Variants in MAST4 observed in about 807,000 individuals in gnomAD.
The protein encoded by MAST4 is microtubule associated serine/threonine kinase family member 4.
In MAST4, 89 loss-of-function variants were observed where a neutral mutation model predicts 162.7. The observed-to-expected ratio is 0.55, with a 90% confidence interval of 0.46 to 0.65. MAST4 has a LOEUF of 0.65. Ranked by LOEUF, MAST4 falls within the 30% of genes least tolerant of loss-of-function variation. MAST4 has a pLI of 0.00. For missense variants in MAST4, 3,153 were observed against 3,374.0 expected, an observed-to-expected ratio of 0.93 and a Z score of 1.62; for synonymous variants, 1,479 against 1,361.1, an observed-to-expected ratio of 1.09 and a Z score of -1.91.
chr5:66,871,589 G>C (rs1029831999), intron 3 of MAST4, among the ~76,000 whole-genome samples: 1 of 152,198 alleles, frequency 6.6e-6, no homozygotes, highest in African/African-American at 2.4e-5. Flanking sequence ...CTGTGTAACA[G>C]ACTTTAATTG....
chr5:66,674,416 G>A (rs2149477011), intron 1 of MAST4, among the ~76,000 whole-genome samples: 1 of 152,300 alleles, frequency 6.6e-6, no homozygotes, highest in East Asian at 1.9e-4. Flanking sequence ...ACTACTTGGA[G>A]TTCTGGATCC....
In MAST4 at chr5:67,120,996, CT is replaced by C. The variant is rs759829346; in HGVS notation, c.1660-19del. The C allele has an allele frequency of 4.8e-5, 75 of 1,555,478 alleles. No individual in the cohort carries two copies. Among genetic ancestry groups the C allele is most frequent in the Non-Finnish European group, 6.4e-5 (73 of 1,138,316 alleles). On this transcript the variant is annotated intron_variant, in intron 13 of 28. Transcript: ENST00000403625. ...TTCTTAAATCTAAACTACTTTTTAA[CT>C]TCCATATTTTGTTTCCAAGAGCTCT...
intron 5 of MAST4, among the ~76,000 whole-genome samples, chr5:67,058,474 T>C (rs1759137034): frequency 6.6e-6 from 1 of 152,226 alleles, no homozygotes; most frequent in Non-Finnish European, 1.5e-5. Context: ...AAGTATAGCA[T>C]GGCTTTTGTA....
intron 3 of MAST4, among the ~76,000 whole-genome samples, chr5:66,834,856 G>A (rs1018588489): frequency 4.6e-5 from 7 of 152,118 alleles, no homozygotes; most frequent in Admixed American, 2.0e-4. Context: ...AATAATGCAG[G>A]ATACCTGTGC....
At chr5:67,114,605 C>T (rs1489328648) in intron 12 of MAST4, 1 of 186,070 alleles carries the variant, frequency 5.4e-6, no homozygotes, top group Non-Finnish European at 1.1e-5. Context: ...ATTAATTAAA[C>T]TGACATTTAA....
chr5:67,141,746 T>C (rs2151032873), intron 19 of MAST4, among the ~76,000 whole-genome samples: 1 of 152,360 alleles, frequency 6.6e-6, no homozygotes, highest in Non-Finnish European at 1.5e-5. Flanking sequence ...TTGCACCTTG[T>C]TAGAATTTCT....
rs1048752557 is a variant in MAST4 at position 66,910,998 on chromosome 5, G to A, written c.674+11016G>A. Among the ~76,000 whole-genome samples, 9 of 152,172 alleles carry A rather than the reference G, an allele frequency of 5.9e-5. No individual in the cohort carries two copies. The East Asian group carries it at 1.6e-3, about 26-fold the overall frequency. ...CTTGACTTTGTGATCCGCCCACATT[G>A]GCCTCCCAAAGTGTTGGGATTACAG... is the stretch of plus-strand genomic sequence containing the variant. On this transcript the variant is annotated intron_variant, in intron 4 of 28. Transcript: ENST00000403625.
intron 4 of MAST4, among the ~76,000 whole-genome samples, chr5:66,974,208 T>G (rs1490434244): frequency 6.6e-6 from 1 of 152,236 alleles, no homozygotes; most frequent in Non-Finnish European, 1.5e-5. Context: ...ATTTATTTAT[T>G]TGTTTATTTA....
intron 14 of MAST4, among the ~76,000 whole-genome samples, chr5:67,128,755 G>A (rs901874457): frequency 2.0e-5 from 3 of 152,050 alleles, no homozygotes; most frequent in Non-Finnish European, 1.5e-5. Context: ...ATTGTTCAGG[G>A]ATGGCTAAGT....
chr5:66,596,956 G>T lies in MAST4; in HGVS notation c.301G>T (p.Gly101Ter). The T allele has an allele frequency of 1.4e-6, 2 of 1,422,078 alleles. No individual in the cohort carries two copies. Among genetic ancestry groups the T allele is most frequent in the Non-Finnish European group, 1.8e-6 (2 of 1,091,998 alleles). 88.1% of individuals were successfully genotyped at this position (1,422,078 alleles called of 1,614,324 possible). Residue 101 changes from glycine (G) to a stop codon, truncating the protein, a stop_gained, in exon 1 of 29, where the codon GGA becomes TGA. Transcript: ENST00000403625. LOFTEE classifies it high-confidence loss of function. Reference sequence around the variant, plus strand: ...CCTTGCGCTGCCGCCGCCGCTTCCCGGAGGAGCTGTGCCGCCCGCGCCCCG... The same window carrying T: ...CCTTGCGCTGCCGCCGCCGCTTCCCTGAGGAGCTGTGCCGCCCGCGCCCCG... Reference protein sequence around the residue: ...GVLALPPPLPGGAVPPAPRGS... With the variant: ...GVLALPPPLP
At chr5:66,732,144 G>T (rs780260788) in intron 1 of MAST4, among the ~76,000 whole-genome samples, 13 of 151,796 alleles carry the variant, frequency 8.6e-5, no homozygotes, top group Non-Finnish European at 1.6e-4. Flanking sequence ...GGCCTAATTT[G>T]TACTATTTCT....
intron 1 of MAST4, among the ~76,000 whole-genome samples, chr5:66,734,984 C>T (rs988582077): frequency 1.3e-5 from 2 of 152,208 alleles, no homozygotes; most frequent in Admixed American, 1.3e-4. Context: ...ATCCAAGAGC[C>T]TGTCTTAGAA....
At chr5:66,970,516 G>A (rs914902195) in intron 4 of MAST4, among the ~76,000 whole-genome samples, 1 of 152,276 alleles carries the variant, frequency 6.6e-6, no homozygotes, top group Admixed American at 6.5e-5. Flanking sequence ...TCTCTGCAGC[G>A]CCTTGACTCA....
At chr5:66,868,355 T>A (rs1407017450) in intron 3 of MAST4, among the ~76,000 whole-genome samples, 3 of 152,060 alleles carry the variant, frequency 2.0e-5, no homozygotes, top group African/African-American at 7.2e-5. Flanking sequence ...TGGTTCTAGC[T>A]ATGTGCACCT....
chr5:66,878,097 T>C (rs1037084511), intron 3 of MAST4, among the ~76,000 whole-genome samples: 1 of 152,192 alleles, frequency 6.6e-6, no homozygotes, highest in East Asian at 1.9e-4. Flanking sequence ...ATAAAGCAGT[T>C]TGAGCTGCAA....
At chr5:66,980,268 TCA>T (rs1306576116) in intron 4 of MAST4, among the ~76,000 whole-genome samples, 1 of 152,182 alleles carries the variant, frequency 6.6e-6, no homozygotes, top group Non-Finnish European at 1.5e-5. Flanking sequence ...TGACAACGCC[TCA>T]CACTTGGCTG....
In MAST4 at chr5:67,166,634, C is replaced by T; in HGVS notation, c.7455C>T (p.Ala2485=). The change falls in exon 29 of 29, where the codon GCC becomes GCT. Residue 2485 remains alanine, a synonymous_variant. Transcript: ENST00000403625. ...CAGCCAGCAGCGACACCTCTTCTGCCAAGGCCGCCGGGGGCATGCTGGAGC... is the reference window on the plus strand; with the variant it reads ...CAGCCAGCAGCGACACCTCTTCTGCTAAGGCCGCCGGGGGCATGCTGGAGC... ...ASAASSDTSS[A]KAAGGMLELP... 2 of 1,601,236 alleles carry T rather than the reference C, an allele frequency of 1.2e-6. No individual in the cohort carries two copies. The highest frequency in any genetic ancestry group is 1.3e-5 in the African/African-American group (1 of 74,772).
chr5:66,800,624 CTGTACAACAA>C (rs1473560057), intron 3 of MAST4, among the ~76,000 whole-genome samples: 2 of 152,044 alleles, frequency 1.3e-5, no homozygotes, highest in Non-Finnish European at 2.9e-5. Context: ...ATGAAATAAT[CTGTACAACAA>C]ACCCCCATGA....
intron 4 of MAST4, among the ~76,000 whole-genome samples, chr5:67,024,867 A>C (rs556642674): frequency 6.6e-6 from 1 of 152,050 alleles, no homozygotes; most frequent in South Asian, 2.1e-4. Flanking sequence ...GTCATCTGGA[A>C]TGAAACAGCG....
Sources: allele counts gnomAD v4.1 joint callset (sites outside exome capture counted in the v4.1 genomes callset), GRCh38; gene constraint gnomAD v4.1.1; transcripts MANE v1.5; gene names NCBI Gene and HGNC (gene_info 2026-07-23, HGNC 2026-07-21).